Variants in MAGI1 observed in about 807,000 individuals in gnomAD.
The protein encoded by MAGI1 is membrane-associated guanylate kinase, WW and PDZ domain-containing protein 1.
MAGI1 carries 58 observed loss-of-function variants against 139.9 expected under a neutral mutation model. That is an observed-to-expected ratio of 0.41 (90% CI 0.34 to 0.52). MAGI1 has a LOEUF of 0.52. Among genes scored for constraint, MAGI1 ranks in the 20% least tolerant of loss-of-function variants. The pLI is 0.12. For synonymous variants in MAGI1, 812 were observed against 737.9 expected (o/e 1.10, Z -1.63); for missense variants, 1,874 against 1,901.6 (o/e 0.99, Z 0.27).
At chr3:65,365,311 G>T in intron 18 of MAGI1, 1 of 420,548 alleles carries the variant, frequency 2.4e-6, no homozygotes, top group South Asian at 1.9e-5. Flanking sequence ...TTCTCTTCCA[G>T]AACTTTAAAG....
chr3:65,781,888 CT>C (rs2038963388), intron 1 of MAGI1, among the ~76,000 whole-genome samples: 1 of 117,760 alleles, frequency 8.5e-6, no homozygotes, highest in Non-Finnish European at 2.1e-5. Flanking sequence ...AACCATCTGA[CT>C]GGGGAACCCC....
intron 1 of MAGI1, among the ~76,000 whole-genome samples, chr3:65,953,560 CAGTGTCAAG>C (rs2063966922): frequency 6.6e-6 from 1 of 152,194 alleles, no homozygotes; most frequent in Admixed American, 6.5e-5. Flanking sequence ...CCAATTGCAC[CAGTGTCAAG>C]AGCTCCACAG....
chr3:65,934,451 T>C (rs1215742672), intron 1 of MAGI1, among the ~76,000 whole-genome samples: 1 of 152,190 alleles, frequency 6.6e-6, no homozygotes, highest in Admixed American at 6.5e-5. Context: ...AATCTTTCTC[T>C]GTTCTTTACA....
At chr3:65,762,214 C>T (rs1175250875) in intron 1 of MAGI1, among the ~76,000 whole-genome samples, 2 of 152,150 alleles carry the variant, frequency 1.3e-5, no homozygotes, top group East Asian at 3.9e-4. Flanking sequence ...TTCCTTTCCC[C>T]CTCCAACGAG....
chr3:65,426,488 C>T (rs528392451), intron 12 of MAGI1, among the ~76,000 whole-genome samples: 18 of 152,116 alleles, frequency 1.2e-4, no homozygotes, highest in Non-Finnish European at 1.6e-4. Context: ...CACAACCTCA[C>T]GACAGGAATT....
At chr3:65,368,583 A>G (rs1226330073) in intron 18 of MAGI1, among the ~76,000 whole-genome samples, 2 of 152,228 alleles carry the variant, frequency 1.3e-5, no homozygotes, top group Non-Finnish European at 2.9e-5. Flanking sequence ...CGGAATCCAC[A>G]TTGAAAGCCA....
chr3:65,509,276 A>G (rs1164053112), intron 2 of MAGI1, among the ~76,000 whole-genome samples: 1 of 152,154 alleles, frequency 6.6e-6, no homozygotes, highest in Admixed American at 6.5e-5. Flanking sequence ...CATATGTTAC[A>G]TTTGGGTTTT....
rs544284155 is a variant in MAGI1, at chr3:65,740,718, ATC to A, written c.314-118632_314-118631del. On this transcript the variant is annotated intron_variant, in intron 1 of 22. Transcript: ENST00000402939. ...ATTCTGAAAACTTCAGGAAACCTCT[ATC>A]TCTATAAAACCACTGCTTTCAGCCA... is the stretch of plus-strand genomic sequence containing the variant. Among the ~76,000 whole-genome samples, 5 of 152,342 alleles carry A rather than the reference ATC, an allele frequency of 3.3e-5. No homozygotes were observed. In the South Asian group the frequency reaches 1.0e-3, roughly 32 times the overall value.
intron 2 of MAGI1, among the ~76,000 whole-genome samples, chr3:65,505,419 C>A (rs1250498835): frequency 6.6e-6 from 1 of 151,312 alleles, no homozygotes; most frequent in African/African-American, 2.4e-5. Flanking sequence ...ATAACTGGGG[C>A]CAGGCATGGT....
chr3:65,910,885 A>T, intron 1 of MAGI1, among the ~76,000 whole-genome samples: 1 of 3,004 alleles, frequency 3.3e-4, no homozygotes, highest in African/African-American at 3.5e-3. Flanking sequence ...TGAGATGGAG[A>T]CTCGCTCTGT....
intron 1 of MAGI1, among the ~76,000 whole-genome samples, chr3:65,666,683 T>C (rs1008444590): frequency 4.6e-5 from 7 of 152,192 alleles, no homozygotes; most frequent in African/African-American, 1.7e-4. Context: ...TGCTGAGAAG[T>C]GTTATTTTAT....
intron 1 of MAGI1, among the ~76,000 whole-genome samples, chr3:65,783,487 A>G (rs1449643554): frequency 1.4e-5 from 2 of 146,738 alleles, no homozygotes; most frequent in African/African-American, 2.4e-5. Flanking sequence ...GTCTCCAGAA[A>G]GAAAAAAAAA....
At chr3:65,390,729 A>T (rs1044020874) in intron 14 of MAGI1, among the ~76,000 whole-genome samples, 1 of 152,174 alleles carries the variant, frequency 6.6e-6, no homozygotes, top group African/African-American at 2.4e-5. Flanking sequence ...TCAAGAGACC[A>T]CTTAAAAAGC....
At chr3:65,560,335 T>C (rs113517541) in intron 2 of MAGI1, among the ~76,000 whole-genome samples, 2,502 of 152,238 alleles carry the variant, frequency 0.016, 60 homozygotes, top group African/African-American at 0.058. Flanking sequence ...ATACAAAGGA[T>C]AAACGCTTGA....
chr3:65,415,626 C>A (rs1946155653), intron 12 of MAGI1, among the ~76,000 whole-genome samples: 1 of 152,348 alleles, frequency 6.6e-6, no homozygotes, highest in South Asian at 2.1e-4. Context: ...AATAAAATTT[C>A]TTCAATCCAT....
chr3:65,752,179 A>C, intron 1 of MAGI1, among the ~76,000 whole-genome samples: 1 of 152,084 alleles, frequency 6.6e-6, no homozygotes, highest in East Asian at 1.9e-4. Context: ...AAACTCCTGC[A>C]CTCAAGCAAC....
At position 65,355,754 on chromosome 3, in the gene MAGI1, A is replaced by G. The variant is rs2106670324; in HGVS notation, c.*624T>C. On this transcript the variant is annotated 3_prime_UTR_variant, in exon 23 of 23. Coordinates refer to ENST00000402939, the MANE Select transcript of MAGI1 (RefSeq NM_001033057.2). The stretch of plus-strand genomic sequence containing the variant: ...GTTTTCTGAACCAACTATAACTCAC[A>G]ATATAAAACTTCTTTGTGCTGCGCA... 1 of 152,732 alleles carries G rather than the reference A, an allele frequency of 6.5e-6. No individual in the cohort carries two copies. Among genetic ancestry groups the G allele is most frequent in the Non-Finnish European group, 1.5e-5 (1 of 68,034 alleles). The allele number at this position is 152,732 out of a possible 1,614,324, so 9.5% of individuals were successfully genotyped here.
At chr3:65,453,393 C>T (rs928181879) in intron 5 of MAGI1, 53 bp from the exon 6 acceptor site, 45 of 1,029,202 alleles carry the variant, frequency 4.4e-5, no homozygotes, top group Non-Finnish European at 5.5e-5. Flanking sequence ...AAAAAAAAAG[C>T]AAGAAGCCCA....
rs148745468 is a variant in MAGI1 at position 65,478,001 on chromosome 3, T to C, written c.757+591A>G. 4.7e-3 allele frequency among the ~76,000 whole-genome samples: 711 copies of C among 152,074 alleles called. 5 individuals carry two copies. The highest frequency in any genetic ancestry group is 0.016 in the African/African-American group (659 of 41,506). On this transcript the variant is annotated intron_variant, in intron 4 of 22. Coordinates refer to ENST00000402939, the MANE Select transcript of MAGI1 (RefSeq NM_001033057.2). ...TATAGTCAGTAATACATAGGCTATA[T>C]AATATAGAATGCATATATAGATATA...
Sources: gnomAD v4.1 joint callset for allele counts (sites outside exome capture counted in the v4.1 genomes callset) on GRCh38, gnomAD v4.1.1 for gene constraint, MANE v1.5 for transcripts, NCBI Gene and HGNC (gene_info 2026-07-23, HGNC 2026-07-21) for gene names.